The following GBP1 variants were observed in gnomAD, a reference collection of about 807,000 sequenced individuals.
The protein encoded by GBP1 is guanylate binding protein 1.
GBP1 carries 64 observed loss-of-function variants against 69.5 expected under a neutral mutation model. The ratio of observed to expected loss-of-function variants is 0.92; its 90% CI spans 0.75 to 1.13. The LOEUF is 1.13. Ranked by LOEUF, GBP1 falls within the 50% of genes most tolerant of loss-of-function variation. The pLI is 0.00. For missense variants in GBP1, 630 were observed against 704.1 expected, an observed-to-expected ratio of 0.89 and a Z score of 1.19; for synonymous variants, 250 against 261.2, an observed-to-expected ratio of 0.96 and a Z score of 0.41.
chr1:89,060,798 G>T (rs1434521355), intron 2 of GBP1, among the ~76,000 whole-genome samples: 23 of 152,232 alleles, frequency 1.5e-4, no homozygotes, highest in Non-Finnish European at 2.9e-5. Flanking sequence ...TATCTAATTT[G>T]TAGAAAACAT....
Position 89,060,206 on chromosome 1 carries a change from A to G in GBP1, c.309T>C (p.Asp103=). The change falls in exon 3 of 11, where the codon GAT becomes GAC. Residue 103 remains aspartate, a synonymous_variant. Coordinates refer to ENST00000370473, the MANE Select transcript of GBP1 (RefSeq NM_002053.3). ...LVLLDTEGLG[D]VEKGDNQNDS... Reference sequence around the variant, plus strand: ...GATCCTTGAGTCTCACCTTCTCTACATCTCCCAGACCCTCGGTGTCCAGCA... The same window carrying G: ...GATCCTTGAGTCTCACCTTCTCTACGTCTCCCAGACCCTCGGTGTCCAGCA... 1 of 1,597,658 alleles carries G rather than the reference A, an allele frequency of 6.3e-7. No homozygotes were observed. The highest frequency in any genetic ancestry group is 1.1e-5 in the South Asian group (1 of 88,252).
At chr1:89,057,449 T>C (rs1328585219) in intron 6 of GBP1, among the ~76,000 whole-genome samples, 1 of 152,252 alleles carries the variant, frequency 6.6e-6, no homozygotes, top group Non-Finnish European at 1.5e-5. Flanking sequence ...AGGAACCATA[T>C]CTATTTCATT....
rs751315579 is a variant in GBP1 at position 89,060,190 on chromosome 1, G to A, written c.318+7C>T. 6.3e-7 allele frequency: 1 copy of A among 1,589,356 alleles called. No homozygotes were observed. The highest frequency in any genetic ancestry group is 8.5e-7 in the Non-Finnish European group (1 of 1,170,882). On this transcript the variant is annotated splice_region_variant and intron_variant, in intron 3 of 10. Transcript: ENST00000370473. ...GCTTACTCCACAACTGGATCCTTGA[G>A]TCTCACCTTCTCTACATCTCCCAGA...
intron 1 of GBP1, among the ~76,000 whole-genome samples, chr1:89,064,199 ATGTGTG>A (rs759907157): frequency 1.1e-3 from 106 of 100,792 alleles, no homozygotes; most frequent in Middle Eastern, 0.011. Context: ...GGGGCTGGGA[ATGTGTG>A]TGTGTGTGTG....
intron 2 of GBP1, among the ~76,000 whole-genome samples, chr1:89,061,811 GAAAT>G (rs1014796956): frequency 6.6e-6 from 1 of 151,934 alleles, no homozygotes; most frequent in African/African-American, 2.4e-5. Flanking sequence ...CAAAGCAACA[GAAAT>G]AAACAACCAG....
intron 6 of GBP1, among the ~76,000 whole-genome samples, chr1:89,057,445 C>G (rs1680075635): frequency 6.6e-6 from 1 of 152,286 alleles, no homozygotes; most frequent in East Asian, 1.9e-4. Context: ...GGACAGGAAC[C>G]ATATCTATTT....
rs777216748 is a variant in GBP1 at position 89,053,012 on chromosome 1, C to G, written c.*343G>C. The G allele has an allele frequency of 1.1e-5, 2 of 188,682 alleles. No homozygotes were observed. The highest frequency in any genetic ancestry group is 1.1e-5 in the Non-Finnish European group (1 of 92,706). 11.7% of individuals were successfully genotyped at this position (188,682 alleles called of 1,614,324 possible). On this transcript the variant is annotated 3_prime_UTR_variant, in exon 11 of 11. Transcript: ENST00000370473. The stretch of plus-strand genomic sequence containing the variant: ...TGATATTGGGACATTGTAGACTTGG[C>G]CAGACCAATGCCCAAATATTTCCCA...
At position 89,063,040 on chromosome 1, in the gene GBP1, C is replaced by G; in HGVS notation, c.190+5G>C. 6.2e-7 allele frequency: 1 copy of G among 1,614,004 alleles called. No individual in the cohort carries two copies. The highest frequency in any genetic ancestry group is 8.5e-7 in the Non-Finnish European group (1 of 1,179,902). ...ACTTGGCAGAGCTTTGCTCATGCCACTCACCCTTTTTCTTTCCAGCCAGCT... is the reference window on the plus strand; with the variant it reads ...ACTTGGCAGAGCTTTGCTCATGCCAGTCACCCTTTTTCTTTCCAGCCAGCT... On this transcript the variant is annotated splice_donor_5th_base_variant and intron_variant, in intron 2 of 10. Transcript: ENST00000370473.
chr1:89,053,240 A>G lies in GBP1; in HGVS notation c.*115T>C, dbSNP rs1570933972. The G allele has an allele frequency of 1.2e-5, 8 of 686,458 alleles. No homozygotes were observed. The highest frequency in any genetic ancestry group is 1.4e-5 in the Non-Finnish European group (6 of 414,634). 42.5% of individuals were successfully genotyped at this position (686,458 alleles called of 1,614,324 possible). On this transcript the variant is annotated 3_prime_UTR_variant, in exon 11 of 11. Transcript: ENST00000370473. Reference sequence around the variant, plus strand: ...ATCATTGTACCACATGCCTTTATAAACTTTTGGTGTTATGATGCAAGATCT... The same window carrying G: ...ATCATTGTACCACATGCCTTTATAAGCTTTTGGTGTTATGATGCAAGATCT...
At chr1:89,064,498 G>A (rs772269473) in intron 1 of GBP1, among the ~76,000 whole-genome samples, 2 of 152,210 alleles carry the variant, frequency 1.3e-5, no homozygotes, top group Non-Finnish European at 2.9e-5. Context: ...CAGTGAAGCA[G>A]TGGGGTTGAA....
Position 89,057,124 on chromosome 1 carries a change from G to C in GBP1, c.885C>G (p.Ser295Arg). Residue 295 changes from serine to arginine, a missense_variant, in exon 7 of 11, where the codon AGC becomes AGG. Around this residue, in one of 5 missense-constraint regions of GBP1, gnomAD observed 367 missense variants for 369.5 expected, o/e 0.99. Coordinates refer to ENST00000370473, the MANE Select transcript of GBP1 (RefSeq NM_002053.3). ...GIQVNGPRLE[S>R]LVLTYVNAIS... The stretch of plus-strand genomic sequence containing the variant: ...TGGCATTGACGTAGGTCAGCACCAG[G>C]CTCTCTAGACCTGCATATGAAGAAC... 2.5e-6 allele frequency: 4 copies of C among 1,614,258 alleles called. No individual in the cohort carries two copies. The highest frequency in any genetic ancestry group is 3.4e-6 in the Non-Finnish European group (4 of 1,180,050).
chr1:89,056,258 G>A (rs760530611), intron 7 of GBP1, 30 bp from the exon 8 acceptor site: 5 of 1,613,828 alleles, frequency 3.1e-6, no homozygotes, highest in East Asian at 4.5e-5. Flanking sequence ...AGTAAAAAGA[G>A]TAACAGGGAA....
chr1:89,064,920 G>C (rs750037823), intron 1 of GBP1, among the ~76,000 whole-genome samples: 1 of 152,212 alleles, frequency 6.6e-6, no homozygotes, highest in Non-Finnish European at 1.5e-5. Context: ...TTCAACACAA[G>C]CACTGTAGTG....
Position 89,057,149 on chromosome 1 carries a change from C to A in GBP1, c.875-15G>T, listed in dbSNP as rs1477129825. ...GCTCTCTAGACCTGCATATGAAGAACAAATGATAATGTTTCTGGTGGTAAA... is the reference window on the plus strand; with the variant it reads ...GCTCTCTAGACCTGCATATGAAGAAAAAATGATAATGTTTCTGGTGGTAAA... On this transcript the variant is annotated splice_polypyrimidine_tract_variant and intron_variant, in intron 6 of 10. Transcript: ENST00000370473. The A allele has an allele frequency of 3.7e-6, 6 of 1,613,008 alleles. No individual in the cohort carries two copies. The African/African-American group carries it at 8.0e-5, about 22-fold the overall frequency.
At chr1:89,056,529 A>G (rs1370412848) in intron 7 of GBP1, among the ~76,000 whole-genome samples, 1 of 152,264 alleles carries the variant, frequency 6.6e-6, no homozygotes, top group African/African-American at 2.4e-5. Context: ...AAGCCTGCTC[A>G]AGATAAGTAG....
chr1:89,055,710 T>C lies in GBP1; in HGVS notation c.1368+306A>G, dbSNP rs1680025670. ...CTAAATCAATGAATTACATTTTTGTTTAAGCAGCCATCATTGGGTTCCTGT... is the reference window on the plus strand; with the variant it reads ...CTAAATCAATGAATTACATTTTTGTCTAAGCAGCCATCATTGGGTTCCTGT... On this transcript the variant is annotated intron_variant, in intron 8 of 10. Transcript: ENST00000370473. 1.8e-5 allele frequency: 8 copies of C among 455,150 alleles called. 1 individual carries two copies. Among genetic ancestry groups the C allele is most frequent in the Middle Eastern group, 6.2e-4 (1 of 1,610 alleles). 28.2% of individuals were successfully genotyped at this position (455,150 alleles called of 1,614,324 possible).
chr1:89,064,565 A>G (rs1680289026), intron 1 of GBP1, among the ~76,000 whole-genome samples: 1 of 152,152 alleles, frequency 6.6e-6, no homozygotes, highest in Non-Finnish European at 1.5e-5. Context: ...AGTCTGGACT[A>G]TTTCTAAAGA....
intron 10 of GBP1, among the ~76,000 whole-genome samples, chr1:89,054,270 T>C (rs1679987233): frequency 6.6e-6 from 1 of 152,008 alleles, no homozygotes; most frequent in Non-Finnish European, 1.5e-5. Context: ...TAGCTAAATT[T>C]TTTGTATTTT....
chr1:89,057,248 CA>C, intron 6 of GBP1, 114 bp from the exon 7 acceptor site: 2 of 1,412,244 alleles, frequency 1.4e-6, no homozygotes, highest in Non-Finnish European at 1.9e-6. Flanking sequence ...ATGTCCTCAG[CA>C]TCACTTGGAA....
Sources: gnomAD v4.1 joint callset for allele counts (sites outside exome capture counted in the v4.1 genomes callset) on GRCh38, gnomAD v4.1.1 for gene constraint, gnomAD v4.1.1 regional missense constraint, MANE v1.5 for transcripts, NCBI Gene and HGNC (gene_info 2026-07-23, HGNC 2026-07-21) for gene names.